The following ENPP6 variants were observed in gnomAD, a reference collection of about 807,000 sequenced individuals.
ENPP6 encodes ectonucleotide pyrophosphatase/phosphodiesterase 6, also known as glycerophosphocholine cholinephosphodiesterase ENPP6.
Under a neutral mutation model 42.0 loss-of-function variants are expected in ENPP6, and 32 were observed. The observed-to-expected ratio is 0.76, with a 90% confidence interval of 0.58 to 1.02. The LOEUF (loss-of-function observed/expected upper bound fraction) is 1.02, where lower values mean the gene tolerates loss of function less well. ENPP6 is among the 50% of genes least tolerant of loss of function. ENPP6 has a pLI of 0.00. For missense variants in ENPP6, 552 were observed against 566.8 expected (o/e 0.97, Z 0.27); for synonymous variants, 213 against 216.0 (o/e 0.99, Z 0.12).
chr4:184,112,646 T>A (rs1206559456), intron 6 of ENPP6, 26 bp downstream of exon 6: 1 of 1,606,720 alleles, frequency 6.2e-7, no homozygotes, highest in Non-Finnish European at 8.5e-7. Context: ...GCATAGAGAA[T>A]AAATTGGCAC....
chr4:184,181,409 C>A (rs961482065), intron 1 of ENPP6, among the ~76,000 whole-genome samples: 3 of 152,050 alleles, frequency 2.0e-5, no homozygotes, highest in Non-Finnish European at 4.4e-5. Flanking sequence ...TAGGAAGAAC[C>A]AATATTGTGA....
At chr4:184,162,781 A>T (rs1737288214) in intron 1 of ENPP6, among the ~76,000 whole-genome samples, 1 of 152,172 alleles carries the variant, frequency 6.6e-6, no homozygotes, top group Non-Finnish European at 1.5e-5. Context: ...ACAATTCGAG[A>T]TGGTCACAGC....
chr4:184,200,989 A>T (rs190842293), intron 1 of ENPP6, among the ~76,000 whole-genome samples: 27 of 152,290 alleles, frequency 1.8e-4, no homozygotes, highest in African/African-American at 6.0e-4. Flanking sequence ...TTGTCTAAAT[A>T]AGGTGGCCCA....
At chr4:184,211,780 A>G (rs1733117399) in intron 1 of ENPP6, among the ~76,000 whole-genome samples, 1 of 151,430 alleles carries the variant, frequency 6.6e-6, no homozygotes, top group Non-Finnish European at 1.5e-5. Flanking sequence ...GCAGAGACAC[A>G]ACAAAAAAAG....
Position 184,089,873 on chromosome 4 carries a change from T to C in ENPP6, c.*1304A>G, listed in dbSNP as rs1191662808. 6.6e-6 allele frequency: 1 copy of C among 152,216 alleles called. No individual in the cohort carries two copies. The highest frequency in any genetic ancestry group is 1.5e-5 in the Non-Finnish European group (1 of 68,034). 9.4% of individuals were successfully genotyped at this position (152,216 alleles called of 1,614,324 possible). A position where few individuals can be genotyped will look rare whatever the true frequency, so the allele number is the denominator to read the frequency against. ...TAAATGATCATGTAAAAAGGAGTTA[T>C]TTCTTGTGTTACAATTTCTCCTATA... On this transcript the variant is annotated 3_prime_UTR_variant, in exon 8 of 8. Transcript: ENST00000296741.
At chr4:184,189,003 C>A (rs1485462853) in intron 1 of ENPP6, among the ~76,000 whole-genome samples, 1 of 152,232 alleles carries the variant, frequency 6.6e-6, no homozygotes, top group Non-Finnish European at 1.5e-5. Context: ...ATTTCCTGGA[C>A]TTTCCACCTG....
Position 184,090,546 on chromosome 4 carries a change from A to G in ENPP6, c.*631T>C, listed in dbSNP as rs542075226. Reference sequence around the variant, plus strand: ...GCACTCATGTCTTTCACCTTGTTCTATGAGTTCTCCAATCCTTAGTGATTT... The same window carrying G: ...GCACTCATGTCTTTCACCTTGTTCTGTGAGTTCTCCAATCCTTAGTGATTT... On this transcript the variant is annotated 3_prime_UTR_variant, in exon 8 of 8. Transcript: ENST00000296741. 6.5e-6 allele frequency: 1 copy of G among 153,498 alleles called. No individual in the cohort carries two copies. 9.5% of individuals were successfully genotyped at this position (153,498 alleles called of 1,614,324 possible). A position where few individuals can be genotyped will look rare whatever the true frequency, so the allele number is the denominator to read the frequency against.
intron 1 of ENPP6, among the ~76,000 whole-genome samples, chr4:184,173,588 G>A (rs1287116076): frequency 1.3e-5 from 2 of 152,236 alleles, no homozygotes; most frequent in African/African-American, 4.8e-5. Flanking sequence ...GAGCCAAGTG[G>A]CTAAATTTGA....
At chr4:184,146,234 C>T (rs1202495165) in intron 2 of ENPP6, among the ~76,000 whole-genome samples, 1 of 151,662 alleles carries the variant, frequency 6.6e-6, no homozygotes, top group Non-Finnish European at 1.5e-5. Flanking sequence ...AGTTGAAGAC[C>T]AGCCTGGCCA....
rs146500416 is a variant in ENPP6, at chr4:184,166,766, A to C, written c.242-13033T>G. Among the ~76,000 whole-genome samples the C allele has an allele frequency of 1.1e-3, 162 of 152,344 alleles. 3 individuals are homozygous for C. The East Asian group carries it at 0.03, about 28-fold the overall frequency. ...TTACTTGGGGCATGTCTACCTCCAT[A>C]CAGGAAAGTCAGCCAACATCTCCAT... is the stretch of plus-strand genomic sequence containing the variant. On this transcript the variant is annotated intron_variant, in intron 1 of 7. Coordinates refer to ENST00000296741, the MANE Select transcript of ENPP6 (RefSeq NM_153343.4).
intron 1 of ENPP6, among the ~76,000 whole-genome samples, chr4:184,176,549 C>G (rs1023958217): frequency 1.1e-4 from 16 of 152,104 alleles, no homozygotes; most frequent in Non-Finnish European, 2.4e-4. Context: ...GTGAGCACAC[C>G]TCCTGCGGCA....
chr4:184,162,972 C>A (rs558434064), intron 1 of ENPP6, among the ~76,000 whole-genome samples: 1 of 152,194 alleles, frequency 6.6e-6, no homozygotes, highest in Non-Finnish European at 1.5e-5. Flanking sequence ...AGCAAGTGGA[C>A]CTGCCTCTCC....
At chr4:184,107,966 G>GA (rs1736131760) in intron 6 of ENPP6, among the ~76,000 whole-genome samples, 1 of 151,374 alleles carries the variant, frequency 6.6e-6, no homozygotes, top group Non-Finnish European at 1.5e-5. Flanking sequence ...TTTCAGTGAC[G>GA]CCTCTCTAAG....
chr4:184,143,149 G>C (rs939834127), intron 2 of ENPP6, among the ~76,000 whole-genome samples: 7 of 152,214 alleles, frequency 4.6e-5, no homozygotes, highest in Non-Finnish European at 1.0e-4. Context: ...TTGGATCACA[G>C]CAGACTGAAC....
chr4:184,130,526 C>A (rs1736583719), intron 2 of ENPP6, among the ~76,000 whole-genome samples: 1 of 79,980 alleles, frequency 1.3e-5, no homozygotes, highest in African/African-American at 4.7e-5. Flanking sequence ...CCACTGCACT[C>A]CAGCCTGGGC....
At chr4:184,142,974 C>T (rs563210367) in intron 2 of ENPP6, among the ~76,000 whole-genome samples, 2 of 152,302 alleles carry the variant, frequency 1.3e-5, no homozygotes, top group Non-Finnish European at 2.9e-5. Context: ...AAGCGATCCA[C>T]AGGGTCTTTG....
At chr4:184,098,689 A>G (rs190811963) in intron 6 of ENPP6, among the ~76,000 whole-genome samples, 3 of 152,222 alleles carry the variant, frequency 2.0e-5, no homozygotes, top group Admixed American at 6.5e-5. Flanking sequence ...TTCTTAGACT[A>G]CAGCTGATCA....
At chr4:184,110,953 T>A (rs1041383917) in intron 6 of ENPP6, among the ~76,000 whole-genome samples, 19 of 152,122 alleles carry the variant, frequency 1.2e-4, no homozygotes, top group African/African-American at 4.6e-4. Context: ...GATACCATGT[T>A]TACTTTCACT....
At chr4:184,155,760 G>A (rs557567288) in intron 1 of ENPP6, among the ~76,000 whole-genome samples, 145 of 152,270 alleles carry the variant, frequency 9.5e-4, no homozygotes, top group African/African-American at 3.3e-3. Context: ...AAGGAAGCAT[G>A]AAGCAACCAA....
Sources: gnomAD v4.1 joint callset for allele counts (sites outside exome capture counted in the v4.1 genomes callset) on GRCh38, gnomAD v4.1.1 for gene constraint, MANE v1.5 for transcripts, NCBI Gene and HGNC (gene_info 2026-07-23, HGNC 2026-07-21) for gene names.